MATR3: variants seen among roughly 807,000 people sequenced by gnomAD.
The protein encoded by MATR3 is matrin 3.
A neutral mutation model predicts 85.5 loss-of-function variants in MATR3; 4 were observed. The ratio of observed to expected loss-of-function variants is 0.05; its 90% CI spans 0.02 to 0.11. The LOEUF is 0.11. Among genes scored for constraint, MATR3 ranks in the 10% least tolerant of loss-of-function variants. MATR3 has a pLI of 1.00. For synonymous variants in MATR3, 336 were observed against 343.1 expected (o/e 0.98, Z 0.23); for missense variants, 685 against 1,016.1 (o/e 0.67, Z 4.43).
At position 139,326,191 on chromosome 5, in the gene MATR3, G is replaced by A. The variant is rs1444265746; in HGVS notation, c.2400G>A (p.Gly800=). 1.9e-6 allele frequency: 3 copies of A among 1,609,732 alleles called. No homozygotes were observed. Among genetic ancestry groups the A allele is most frequent in the Non-Finnish European group, 2.5e-6 (3 of 1,177,044 alleles). The change falls in exon 14 of 15, where the codon GGG becomes GGA. Residue 800 remains glycine (G), a synonymous_variant. Transcript: ENST00000394805. ...TAGACTATGTGATACCTAAAACAGG[G>A]TTTTACTGTAAGCTGTGTTCACTCT... is the stretch of plus-strand genomic sequence containing the variant. ...VGIDYVIPKT[G]FYCKLCSLFY... is the part of the protein sequence containing the mutation.
At chr5:139,293,919 T>C in intron 1 of MATR3, 114 bp downstream of exon 1, 1 of 1,192,726 alleles carries the variant, frequency 8.4e-7, no homozygotes, top group Non-Finnish European at 1.1e-6. Flanking sequence ...GCGCCTTTCT[T>C]GCTCGCTCCC....
At position 139,331,633 on chromosome 5, in the gene MATR3, T is replaced by TA. The variant is rs1478093999; in HGVS notation, c.*2239dup. The TA allele has an allele frequency of 6.6e-6, 3 of 452,546 alleles. No individual in the cohort carries two copies. Among genetic ancestry groups the TA allele is most frequent in the African/African-American group, 6.0e-5 (3 of 49,920 alleles). 28.0% of individuals were successfully genotyped at this position (452,546 alleles called of 1,614,324 possible). ...GCTATGTCAGCCCTTAGTTTAATCT[T>TA]ACATTATCCTACAAAAGTGAATGAA... On this transcript the variant is annotated 3_prime_UTR_variant, in exon 15 of 15. Transcript: ENST00000394805.
intron 14 of MATR3, 48 bp downstream of exon 14, chr5:139,326,332 T>C: frequency 1.3e-6 from 2 of 1,587,576 alleles, no homozygotes; most frequent in Non-Finnish European, 8.6e-7. Flanking sequence ...TAACAAGTTA[T>C]GGAAATAAGT....
chr5:139,290,449 T>TTTTTTTTTTTC, upstream of MATR3, among the ~76,000 whole-genome samples: 1 of 114,262 alleles, frequency 8.8e-6, no homozygotes, highest in African/African-American at 3.4e-5. Flanking sequence ...TTTTTTTTTT[T>TTTTTTTTTTTC]TTTTTTTTTT....
intron 13 of MATR3, 89 bp downstream of exon 13, chr5:139,325,751 C>T (rs1755823980): frequency 1.7e-6 from 2 of 1,158,002 alleles, no homozygotes; most frequent in Non-Finnish European, 2.6e-6. Flanking sequence ...GTTGGTCTTA[C>T]ATAAGCTGTG....
At chr5:139,290,467 AAC>A, upstream of MATR3, among the ~76,000 whole-genome samples, 2 of 1,598 alleles carry the variant, frequency 1.3e-3, no homozygotes, top group Non-Finnish European at 2.9e-3. Flanking sequence ...TTTTTTTTTT[AAC>A]AGGGTCCTGC....
chr5:139,279,302 C>T (rs922668972), intron 3 of MATR3: 10 of 374,026 alleles, frequency 2.7e-5, no homozygotes, highest in African/African-American at 2.1e-4. Context: ...GATCTCGGCT[C>T]ACTGCAACCT....
At chr5:139,322,529 ATG>A (rs1270577932) in intron 11 of MATR3, 23 bp downstream of exon 11, 1 of 1,569,646 alleles carries the variant, frequency 6.4e-7, no homozygotes, top group South Asian at 1.1e-5. Flanking sequence ...TGTTTTTCAT[ATG>A]TGTGAGTATA....
chr5:139,321,895 A>G lies in MATR3; in HGVS notation c.1603-3A>G. ...TTTGTGGTTTCTTTTCTTTCTTTTT[A>G]AGGCTTTTATTGAGATGGAGACAAG... is the stretch of plus-strand genomic sequence containing the variant. On this transcript the variant is annotated splice_region_variant and splice_polypyrimidine_tract_variant and intron_variant, in intron 9 of 14. Transcript: ENST00000394805. 1 of 1,609,524 alleles carries G rather than the reference A, an allele frequency of 6.2e-7. No homozygotes were observed. Among genetic ancestry groups the G allele is most frequent in the Non-Finnish European group, 8.5e-7 (1 of 1,177,430 alleles).
chr5:139,294,072 G>T, intron 1 of MATR3: 1 of 1,266,676 alleles, frequency 7.9e-7, no homozygotes, highest in Non-Finnish European at 1.0e-6. Flanking sequence ...CAAGGGCCCA[G>T]GGTGCGGCGG....
At chr5:139,303,794 C>G (rs1754574437) in intron 1 of MATR3, among the ~76,000 whole-genome samples, 1 of 151,918 alleles carries the variant, frequency 6.6e-6, no homozygotes, top group East Asian at 1.9e-4. Context: ...CTAATACCTT[C>G]TAAGAAATTA....
At chr5:139,308,359 T>C (rs1473953568) in intron 2 of MATR3, 32 bp downstream of exon 2, 4 of 1,612,718 alleles carry the variant, frequency 2.5e-6, no homozygotes, top group Non-Finnish European at 3.4e-6. Flanking sequence ...TTCTAATTTC[T>C]TTTACATTGT....
chr5:139,294,347 G>A (rs1161812908), intron 1 of MATR3, among the ~76,000 whole-genome samples: 1 of 152,112 alleles, frequency 6.6e-6, no homozygotes, highest in Admixed American at 6.5e-5. Flanking sequence ...CCCCCAAAAT[G>A]GAGGATTTCG....
intron 2 of MATR3, chr5:139,313,319 T>G (rs902384085): frequency 8.1e-6 from 1 of 122,734 alleles, no homozygotes; most frequent in Non-Finnish European, 1.7e-5. Context: ...ATCAGTGTAA[T>G]AATAGTTCTT....
intron 3 of MATR3, chr5:139,279,889 T>C (rs1753451394): frequency 6.6e-6 from 1 of 152,234 alleles, no homozygotes; most frequent in South Asian, 2.1e-4. Flanking sequence ...ATATGCTACA[T>C]GTGGCTGTGT....
chr5:139,313,312 A>C (rs1476601885), intron 2 of MATR3: 1 of 143,378 alleles, frequency 7.0e-6, no homozygotes, highest in Non-Finnish European at 1.5e-5. Flanking sequence ...CTTTATAATC[A>C]GTGTAATAAT....
intron 7 of MATR3, among the ~76,000 whole-genome samples, 175 bp downstream of exon 7, chr5:139,317,896 G>A (rs1471290832): frequency 6.6e-6 from 1 of 152,070 alleles, no homozygotes; most frequent in African/African-American, 2.4e-5. Flanking sequence ...GGTACTAATG[G>A]ATTATTAGTA....
chr5:139,329,358 A>C lies in MATR3; in HGVS notation c.2507A>C (p.Lys836Thr), dbSNP rs912142064. ...CTTTCTTTATAGAAATTTCTGAATAAATTGGCAGAAGAACGCAGACAGAAG... is the reference window on the plus strand; with the variant it reads ...CTTTCTTTATAGAAATTTCTGAATACATTGGCAGAAGAACGCAGACAGAAG... ...HYQKLKKFLN[K>T]LAEERRQKKE... Residue 836 changes from lysine to threonine, a missense_variant, in exon 15 of 15, where the codon AAA (lysine) becomes ACA (threonine). Transcript: ENST00000394805. The C allele has an allele frequency of 1.9e-6, 3 of 1,611,856 alleles. No homozygotes were observed. The highest frequency in any genetic ancestry group is 1.7e-6 in the Non-Finnish European group (2 of 1,178,404).
rs35759733 is a variant in MATR3, at chr5:139,277,761, C to CTTTT, written c.-256-1274_-256-1271dup. 6.2e-4 allele frequency among the ~76,000 whole-genome samples: 80 copies of CTTTT among 128,028 alleles called. 4 individuals are homozygous for CTTTT. The highest frequency in any genetic ancestry group is 4.3e-3 in the Middle Eastern group (1 of 232). 84.0% of individuals were successfully genotyped at this position (128,028 alleles called of 152,430 possible). ...TGGGAAATATATCATGTCTGCTCGT[C>CTTTT]TTTTTTTTTTTTTTTTTTTAATTGA... On this transcript the variant is annotated intron_variant, in intron 2 of 16. Coordinates refer to ENST00000509990, the Ensembl canonical transcript of MATR3.
Sources: allele counts gnomAD v4.1 joint callset (sites outside exome capture counted in the v4.1 genomes callset), GRCh38; gene constraint gnomAD v4.1.1; transcripts MANE v1.5; gene names NCBI Gene and HGNC (gene_info 2026-07-23, HGNC 2026-07-21).